MACROD2: variants seen among roughly 807,000 people sequenced by gnomAD.
The protein encoded by MACROD2 is mono-ADP ribosylhydrolase 2, also known as ADP-ribose glycohydrolase MACROD2.
In MACROD2, 36 loss-of-function variants were observed where a neutral mutation model predicts 70.4. The observed-to-expected ratio is 0.51, with a 90% CI of 0.39 to 0.68. The LOEUF is 0.68. Ranked by LOEUF, MACROD2 falls within the 30% of genes least tolerant of loss-of-function variation. The probability of loss-of-function intolerance (pLI) is 0.00; values close to 1 mark genes in which losing one functional copy is unlikely to be tolerated. For missense variants in MACROD2, 496 were observed against 538.4 expected, an observed-to-expected ratio of 0.92 and a Z score of 0.78; for synonymous variants, 172 against 178.8, an observed-to-expected ratio of 0.96 and a Z score of 0.30.
intron 3 of MACROD2, among the ~76,000 whole-genome samples, chr20:14,118,153 C>T (rs1030972160): frequency 1.3e-5 from 2 of 152,092 alleles, no homozygotes; most frequent in Non-Finnish European, 2.9e-5. Context: ...AGTATATTAA[C>T]CATTTGTGGT....
At chr20:14,144,157 G>A (rs529256175) in intron 3 of MACROD2, among the ~76,000 whole-genome samples, 55 of 152,114 alleles carry the variant, frequency 3.6e-4, no homozygotes, top group African/African-American at 1.3e-3. Context: ...GGAAATTTGA[G>A]TGTCTTAAAT....
intron 3 of MACROD2, among the ~76,000 whole-genome samples, chr20:14,438,285 A>G (rs1768211619): frequency 6.6e-6 from 1 of 152,176 alleles, no homozygotes; most frequent in African/African-American, 2.4e-5. Context: ...TCAATTGTGT[A>G]TGTATACCAC....
rs928132304 is a variant in MACROD2, at chr20:14,453,785, C to A, written c.272-39694C>A. Among the ~76,000 whole-genome samples, 47 of 151,980 alleles carry A rather than the reference C, an allele frequency of 3.1e-4. 1 individual carries two copies. The highest frequency in any genetic ancestry group is 8.0e-4 in the African/African-American group (33 of 41,430). Reference sequence around the variant, plus strand: ...TTTTTTCCATTTAATTACCTGTGTCCAGTTCATTAAAAATACATTTATAGC... The same window carrying A: ...TTTTTTCCATTTAATTACCTGTGTCAAGTTCATTAAAAATACATTTATAGC... On this transcript the variant is annotated intron_variant, in intron 3 of 17. Transcript: ENST00000684519.
intron 3 of MACROD2, among the ~76,000 whole-genome samples, chr20:14,454,994 C>T (rs1266920930): frequency 3.3e-5 from 5 of 151,620 alleles, no homozygotes; most frequent in African/African-American, 4.9e-5. Flanking sequence ...CCTCGTGATC[C>T]GCCTGCCTTG....
chr20:15,214,289 G>C (rs1485847610), intron 5 of MACROD2, among the ~76,000 whole-genome samples: 5 of 152,046 alleles, frequency 3.3e-5, no homozygotes, highest in Non-Finnish European at 5.9e-5. Flanking sequence ...CATTTCACAG[G>C]TTTCTCAGAA....
chr20:14,098,277 T>C (rs1304504660), intron 3 of MACROD2, among the ~76,000 whole-genome samples: 3 of 152,244 alleles, frequency 2.0e-5, no homozygotes, highest in Non-Finnish European at 2.9e-5. Context: ...CAGCTTTAGC[T>C]GTGACAGTAT....
chr20:15,398,023 G>A (rs952205328), intron 6 of MACROD2, among the ~76,000 whole-genome samples: 2 of 152,072 alleles, frequency 1.3e-5, no homozygotes, highest in African/African-American at 2.4e-5. Context: ...TTCCCATACC[G>A]AGAGTCAGGT....
chr20:15,957,509 TTTAA>T (rs1221043712), intron 12 of MACROD2, among the ~76,000 whole-genome samples: 1 of 152,154 alleles, frequency 6.6e-6, no homozygotes, highest in Non-Finnish European at 1.5e-5. Context: ...ATGACCTCTG[TTTAA>T]TTAAGATCCT....
chr20:14,415,678 C>G (rs1229993809), intron 3 of MACROD2, among the ~76,000 whole-genome samples: 1 of 152,104 alleles, frequency 6.6e-6, no homozygotes, highest in Non-Finnish European at 1.5e-5. Context: ...GTAGGAAACT[C>G]GAACAGTATC....
chr20:15,967,215 G>A (rs1229563679), intron 12 of MACROD2, among the ~76,000 whole-genome samples: 1 of 152,086 alleles, frequency 6.6e-6, no homozygotes, highest in East Asian at 1.9e-4. Flanking sequence ...AAATTAGATA[G>A]TCCTTTAATC....
intron 6 of MACROD2, among the ~76,000 whole-genome samples, chr20:15,264,243 A>G (rs538127159): frequency 1.3e-5 from 2 of 152,158 alleles, no homozygotes; most frequent in African/African-American, 2.4e-5. Flanking sequence ...AAAATTTACT[A>G]TTTTGAGAAG....
chr20:15,215,603 A>G (rs2076803644), intron 5 of MACROD2, among the ~76,000 whole-genome samples: 2 of 152,040 alleles, frequency 1.3e-5, no homozygotes, highest in Admixed American at 1.3e-4. Flanking sequence ...AAGTTATCAG[A>G]AAAAAGTGTG....
chr20:15,286,791 G>A (rs1218745361), intron 6 of MACROD2, among the ~76,000 whole-genome samples: 3 of 152,170 alleles, frequency 2.0e-5, no homozygotes, highest in African/African-American at 7.2e-5. Flanking sequence ...TGGTGGCCCA[G>A]AGTACTGAAT....
Position 14,470,225 on chromosome 20 carries a change from A to G in MACROD2, c.272-23254A>G, listed in dbSNP as rs2084511347. ...CTGGGGTTTGCTGGAGGTCCACTGC[A>G]GACCCTGTTTGCCGGGGTATCACCA... On this transcript the variant is annotated intron_variant, in intron 3 of 17. Coordinates refer to ENST00000684519, the MANE Select transcript of MACROD2 (RefSeq NM_001351661.2). Among the ~76,000 whole-genome samples the G allele has an allele frequency of 2.6e-5, 4 of 152,118 alleles. No individual in the cohort carries two copies. In the South Asian group the frequency reaches 8.3e-4, roughly 32 times the overall value.
chr20:14,771,505 T>A (rs1390110271), intron 5 of MACROD2, among the ~76,000 whole-genome samples: 1 of 151,948 alleles, frequency 6.6e-6, no homozygotes, highest in Non-Finnish European at 1.5e-5. Context: ...AAATTTTAAT[T>A]TGTATTTTTT....
intron 4 of MACROD2, among the ~76,000 whole-genome samples, chr20:14,597,074 T>G (rs1982192536): frequency 6.6e-6 from 1 of 152,188 alleles, no homozygotes; most frequent in African/African-American, 2.4e-5. Flanking sequence ...AATTTCTCCC[T>G]TATTAACTTT....
chr20:15,651,918 G>C (rs1300114900), intron 8 of MACROD2, among the ~76,000 whole-genome samples: 1 of 152,148 alleles, frequency 6.6e-6, no homozygotes, highest in Admixed American at 6.6e-5. Context: ...ATTTTAGTAA[G>C]AGCCTTCCAG....
At chr20:16,016,999 T>C (rs533834235) in intron 15 of MACROD2, among the ~76,000 whole-genome samples, 2 of 152,232 alleles carry the variant, frequency 1.3e-5, no homozygotes, top group Non-Finnish European at 2.9e-5. Context: ...ACCTTTCACA[T>C]CAATGATTGT....
intron 2 of MACROD2, among the ~76,000 whole-genome samples, chr20:14,028,914 C>T (rs1360516851): frequency 6.6e-6 from 1 of 152,128 alleles, no homozygotes; most frequent in Non-Finnish European, 1.5e-5. Context: ...GTCTGTTTTT[C>T]CACAGAGTAT....
Sources: allele counts gnomAD v4.1 joint callset (sites outside exome capture counted in the v4.1 genomes callset), GRCh38; gene constraint gnomAD v4.1.1; transcripts MANE v1.5; gene names NCBI Gene and HGNC (gene_info 2026-07-23, HGNC 2026-07-21).